The following SHLD1 variants were observed in gnomAD, a reference collection of about 807,000 sequenced individuals.
SHLD1 encodes shieldin complex subunit 1, also known as RINN1-REV7-interacting novel NHEJ regulator 3.
SHLD1 carries 3 observed loss-of-function variants against 5.5 expected under a neutral mutation model. The observed-to-expected ratio is 0.54, with a 90% CI of 0.25 to 1.40. The LOEUF is 1.40. Ranked by LOEUF, SHLD1 falls within the 40% of genes most tolerant of loss-of-function variation. The probability of loss-of-function intolerance (pLI) is 0.15; values close to 1 mark genes in which losing one functional copy is unlikely to be tolerated. For synonymous variants in SHLD1, 92 were observed against 94.3 expected (o/e 0.98, Z 0.14); for missense variants, 210 against 244.4 (o/e 0.86, Z 0.94).
At chr20:5,807,835 T>C (rs1367530244) in intron 2 of SHLD1, among the ~76,000 whole-genome samples, 1 of 152,236 alleles carries the variant, frequency 6.6e-6, no homozygotes, top group Non-Finnish European at 1.5e-5. Flanking sequence ...GTAGACTTAC[T>C]GCTACTAGTC....
chr20:5,817,394 T>TTC (rs144955343), intron 2 of SHLD1, among the ~76,000 whole-genome samples: 3,832 of 75,158 alleles, frequency 0.051, 140 homozygotes, highest in East Asian at 0.13. Flanking sequence ...ACGGGATATT[T>TTC]TCTCTCTCTC....
At chr20:5,802,567 G>A (rs58617099) in intron 2 of SHLD1, among the ~76,000 whole-genome samples, 2 of 152,104 alleles carry the variant, frequency 1.3e-5, no homozygotes, top group Non-Finnish European at 2.9e-5. Context: ...GTTAGCCATC[G>A]ATGTCATCAC....
At chr20:5,835,422 C>T (rs1470837515) in intron 2 of SHLD1, among the ~76,000 whole-genome samples, 1 of 152,204 alleles carries the variant, frequency 6.6e-6, no homozygotes, top group Non-Finnish European at 1.5e-5. Flanking sequence ...AGAAAACAAA[C>T]ACAGATATTC....
At chr20:5,861,333 A>T (rs2088159780) in intron 2 of SHLD1, among the ~76,000 whole-genome samples, 1 of 152,206 alleles carries the variant, frequency 6.6e-6, no homozygotes, top group South Asian at 2.1e-4. Context: ...ACATCCTGTG[A>T]CTATATTTCA....
intron 2 of SHLD1, among the ~76,000 whole-genome samples, chr20:5,844,799 A>ATATATATATTTTTTT (rs1460082835): frequency 1.4e-5 from 1 of 71,692 alleles, no homozygotes; most frequent in African/African-American, 4.2e-5. Flanking sequence ...ATATATATAT[A>ATATATATATTTTTTT]TTTTTTTTTT....
intron 2 of SHLD1, among the ~76,000 whole-genome samples, chr20:5,805,022 T>G (rs1240011159): frequency 6.6e-6 from 1 of 152,232 alleles, no homozygotes; most frequent in Non-Finnish European, 1.5e-5. Context: ...ATGCCCTTTT[T>G]GTCTCCCAGG....
intron 1 of SHLD1, chr20:5,756,689 C>CTTTTTTTTTTT (rs35462391): frequency 5.0e-5 from 4 of 80,370 alleles, no homozygotes; most frequent in South Asian, 3.0e-4. Context: ...TTCTTTCTTT[C>CTTTTTTTTTTT]TTTTTTTTTT....
chr20:5,807,942 T>G (rs1234791588), intron 2 of SHLD1, among the ~76,000 whole-genome samples: 1 of 152,176 alleles, frequency 6.6e-6, no homozygotes, highest in South Asian at 2.1e-4. Flanking sequence ...ATCATCCTTT[T>G]CTTTTAAAAA....
At chr20:5,753,738 C>T (rs1048873380) in intron 1 of SHLD1, among the ~76,000 whole-genome samples, 7 of 152,130 alleles carry the variant, frequency 4.6e-5, no homozygotes, top group African/African-American at 1.4e-4. Flanking sequence ...GATGGCCAGC[C>T]TCTTAGCATG....
intron 1 of SHLD1, among the ~76,000 whole-genome samples, chr20:5,764,139 A>AAAAT (rs1555768309): frequency 1.0e-5 from 1 of 95,714 alleles, no homozygotes; most frequent in African/African-American, 4.8e-5. Flanking sequence ...AAAAAAAAAA[A>AAAAT]ATATATATAT....
At chr20:5,750,500 G>GGGT (rs1371229111) in intron 1 of SHLD1, 21 bp downstream of exon 1, 5 of 146,438 alleles carry the variant, frequency 3.4e-5, no homozygotes, top group African/African-American at 1.3e-4. Context: ...GATGGGATGG[G>GGGT]GGGGGGTTGG....
chr20:5,839,939 C>G (rs988560485), intron 2 of SHLD1, among the ~76,000 whole-genome samples: 7 of 152,176 alleles, frequency 4.6e-5, no homozygotes, highest in African/African-American at 1.7e-4. Context: ...CTTGAGAACA[C>G]TTTCTAGACC....
Position 5,761,614 on chromosome 20 carries a change from T to TC in SHLD1, c.-5+11135_-5+11136insC, listed in dbSNP as rs1327187548. Among the ~76,000 whole-genome samples, 489 of 149,188 alleles carry TC rather than the reference T, an allele frequency of 3.3e-3. 3 individuals carry two copies. Among genetic ancestry groups the TC allele is most frequent in the African/African-American group, 0.012 (469 of 40,432 alleles). On this transcript the variant is annotated intron_variant, in intron 1 of 2. Transcript: ENST00000303142. ...AATATTTTTCATGTCTTAATTTCTT[T>TC]TTTTTTTTTTTGAGATGGAGGCTCA...
chr20:5,846,825 G>A (rs1310752727), intron 2 of SHLD1, among the ~76,000 whole-genome samples: 1 of 152,206 alleles, frequency 6.6e-6, no homozygotes, highest in Non-Finnish European at 1.5e-5. Context: ...GCTATAAAGT[G>A]TTAGGTTCCG....
rs563984658 is a variant in SHLD1 at position 5,829,765 on chromosome 20, A to G, written c.179-33259A>G. ...GTATGAATAATTTGATTTATTTTGA[A>G]GTTAAATGTAATTATAAGTTGTGTT... On this transcript the variant is annotated intron_variant, in intron 2 of 2. Transcript: ENST00000303142. 6.4e-4 allele frequency among the ~76,000 whole-genome samples: 98 copies of G among 152,322 alleles called. No homozygotes were observed. In the Middle Eastern group the frequency reaches 0.01, roughly 16 times the overall value.
chr20:5,819,200 AG>A (rs1225441094), intron 2 of SHLD1, among the ~76,000 whole-genome samples: 1 of 152,006 alleles, frequency 6.6e-6, no homozygotes, highest in Non-Finnish European at 1.5e-5. Context: ...CCTCGGTCTG[AG>A]CACTTAGGTT....
In SHLD1 at chr20:5,812,085, TTTTTC is replaced by T; in HGVS notation, c.178+39047_178+39051del. ...TTTCTTTTTCTTTTTTTTTTCTTTT[TTTTTC>T]TTTTTTTTTTTGAGGACCCGACCTT... On this transcript the variant is annotated intron_variant, in intron 2 of 2. Transcript: ENST00000303142. Among the ~76,000 whole-genome samples, 18 of 151,276 alleles carry T rather than the reference TTTTTC, an allele frequency of 1.2e-4. No homozygotes were observed. The South Asian group carries it at 3.5e-3, about 30-fold the overall frequency.
Position 5,806,468 on chromosome 20 carries a change from C to T in SHLD1, c.178+33425C>T, listed in dbSNP as rs996504092. Among the ~76,000 whole-genome samples, 1 of 152,214 alleles carries T rather than the reference C, an allele frequency of 6.6e-6. No homozygotes were observed. The highest frequency in any genetic ancestry group is 2.4e-5 in the African/African-American group (1 of 41,444). ...TTACTGTGGGGAAGTGGATTATCTG[C>T]AATACATGCCTTGTGTTCATTTCCT... On this transcript the variant is annotated intron_variant, in intron 2 of 2. Coordinates refer to ENST00000303142, the MANE Select transcript of SHLD1 (RefSeq NM_152504.4). This position sits in a 1 kb window ranked among gnomAD's most constrained non-coding sequence, Gnocchi z 7.6.
chr20:5,843,797 G>T (rs2087895123), intron 2 of SHLD1, among the ~76,000 whole-genome samples: 1 of 152,198 alleles, frequency 6.6e-6, no homozygotes, highest in Non-Finnish European at 1.5e-5. Flanking sequence ...TCAAAAATAA[G>T]TAACTATTTC....
Sources: gnomAD v4.1 joint callset for allele counts (sites outside exome capture counted in the v4.1 genomes callset) on GRCh38, gnomAD v4.1.1 for gene constraint, Gnocchi (gnomAD v3.1) non-coding constraint, MANE v1.5 for transcripts, NCBI Gene and HGNC (gene_info 2026-07-23, HGNC 2026-07-21) for gene names.